The following OCA2 variants were observed in gnomAD, a reference collection of about 807,000 sequenced individuals.
OCA2 encodes OCA2 melanosomal transmembrane protein.
A neutral mutation model predicts 100.2 loss-of-function variants in OCA2; 77 were observed. The observed-to-expected ratio is 0.77, with a 90% CI of 0.64 to 0.93. The LOEUF (loss-of-function observed/expected upper bound fraction) is 0.93, where lower values mean the gene tolerates loss of function less well. Ranked by LOEUF, OCA2 falls within the 40% of genes least tolerant of loss-of-function variation. The pLI is 0.00. For synonymous variants in OCA2, 432 were observed against 439.2 expected (o/e 0.98, Z 0.21); for missense variants, 1,062 against 1,089.1 (o/e 0.98, Z 0.35).
At chr15:28,093,433 G>A (rs1201757693) in intron 1 of OCA2, among the ~76,000 whole-genome samples, 3 of 150,852 alleles carry the variant, frequency 2.0e-5, no homozygotes, top group East Asian at 1.9e-4. Context: ...AAGAAAGAAA[G>A]AAAAAAGAAA....
At chr15:27,883,116 GCAGGTGCTGCTCTCT>G (rs933085377) in intron 19 of OCA2, among the ~76,000 whole-genome samples, 2 of 152,130 alleles carry the variant, frequency 1.3e-5, no homozygotes, top group Admixed American at 1.3e-4. Flanking sequence ...TCCCTGGCCT[GCAGGTGCTGCTCTCT>G]CTGACTCCTC....
chr15:28,002,027 C>G (rs536342328), intron 9 of OCA2, among the ~76,000 whole-genome samples: 2 of 152,176 alleles, frequency 1.3e-5, no homozygotes, highest in Non-Finnish European at 2.9e-5. Flanking sequence ...GTCACTGACA[C>G]GGCAAACACT....
intron 19 of OCA2, among the ~76,000 whole-genome samples, chr15:27,882,381 T>G (rs1484721981): frequency 6.6e-6 from 1 of 152,222 alleles, no homozygotes; most frequent in African/African-American, 2.4e-5. Flanking sequence ...TGTTGTAGTT[T>G]CATTTCTAAC....
At chr15:27,992,392 G>A (rs539202131) in intron 9 of OCA2, among the ~76,000 whole-genome samples, 90 of 152,224 alleles carry the variant, frequency 5.9e-4, no homozygotes, top group Non-Finnish European at 9.9e-4. Flanking sequence ...GAGCCACCGC[G>A]CCCAGCCAGT....
chr15:28,064,580 C>T (rs2043967770), intron 2 of OCA2, among the ~76,000 whole-genome samples: 1 of 152,054 alleles, frequency 6.6e-6, no homozygotes, highest in South Asian at 2.1e-4. Flanking sequence ...TTTTTCATTT[C>T]ATTTATACTT....
intron 2 of OCA2, among the ~76,000 whole-genome samples, chr15:28,077,540 T>G (rs2044471584): frequency 6.6e-6 from 1 of 152,136 alleles, no homozygotes; most frequent in South Asian, 2.1e-4. Context: ...CCAGCAGCGT[T>G]CCAGGGCTGG....
Position 27,972,852 on chromosome 15 carries a change from TATTTTATTTTATTTTATTTTA to T in OCA2, c.1504-6051_1504-6031del, listed in dbSNP as rs1487595639. 1.2e-3 allele frequency among the ~76,000 whole-genome samples: 179 copies of T among 143,410 alleles called. 25 individuals carry two copies. The highest frequency in any genetic ancestry group is 1.1e-3 in the Non-Finnish European group (71 of 65,256). 94.1% of individuals were successfully genotyped at this position (143,410 alleles called of 152,430 possible). A position where few individuals can be genotyped will look rare whatever the true frequency, so the allele number is the denominator to read the frequency against. On this transcript the variant is annotated intron_variant, in intron 14 of 23. Coordinates refer to ENST00000354638, the MANE Select transcript of OCA2 (RefSeq NM_000275.3). ...TATTTTATTTTATTTTATTTTATTT[TATTTTATTTTATTTTATTTTA>T]TTTTATTTTTGTGACAGAGTCTCTC...
chr15:27,911,678 G>A (rs1444041618), intron 19 of OCA2, among the ~76,000 whole-genome samples: 1 of 152,102 alleles, frequency 6.6e-6, no homozygotes, highest in Non-Finnish European at 1.5e-5. Context: ...ATTACCATGA[G>A]GATGGCACCA....
At chr15:27,832,672 T>A (rs544503924) in intron 23 of OCA2, among the ~76,000 whole-genome samples, 1 of 152,300 alleles carries the variant, frequency 6.6e-6, no homozygotes, top group South Asian at 2.1e-4. Flanking sequence ...CTGGTGAGTC[T>A]CCAAGTTCAG....
At chr15:27,975,186 G>A (rs2040927057) in intron 14 of OCA2, among the ~76,000 whole-genome samples, 1 of 152,140 alleles carries the variant, frequency 6.6e-6, no homozygotes, top group Admixed American at 6.5e-5. Flanking sequence ...CAGATTGTGT[G>A]TAAGAAATAC....
chr15:27,913,876 AAAGAAAGAAAGAAAGAAAGC>A (rs1567098009), intron 19 of OCA2, among the ~76,000 whole-genome samples: 19 of 62,490 alleles, frequency 3.0e-4, no homozygotes, highest in African/African-American at 4.9e-4. Flanking sequence ...AGAAAGAAAG[AAAGAAAGAAAGAAAGAAAGC>A]AAGCAAGCAA....
intron 23 of OCA2, among the ~76,000 whole-genome samples, chr15:27,799,150 AGG>A (rs1270511320): frequency 3.3e-5 from 5 of 152,336 alleles, no homozygotes; most frequent in African/African-American, 1.2e-4. Flanking sequence ...CCAGAGGAAC[AGG>A]GGAGACGATC....
intron 23 of OCA2, among the ~76,000 whole-genome samples, chr15:27,844,344 A>G (rs775387634): frequency 1.5e-4 from 23 of 152,194 alleles, no homozygotes; most frequent in Non-Finnish European, 2.8e-4. Context: ...GGACTGTGCA[A>G]TCCAGCACCG....
chr15:28,016,270 T>C, intron 7 of OCA2, 84 bp from the exon 8 acceptor site: 1 of 1,067,642 alleles, frequency 9.4e-7, no homozygotes, highest in Non-Finnish European at 1.5e-6. Context: ...TCTAGGTATT[T>C]GTTTCAAAAA....
intron 19 of OCA2, among the ~76,000 whole-genome samples, chr15:27,881,656 T>C (rs1312803527): frequency 6.6e-6 from 1 of 152,224 alleles, no homozygotes; most frequent in African/African-American, 2.4e-5. Flanking sequence ...TTTATTTGCA[T>C]AGAGATGTTT....
At position 28,043,115 on chromosome 15, in the gene OCA2, C is replaced by G. The variant is rs41303749; in HGVS notation, c.228-10952G>C. On this transcript the variant is annotated intron_variant, in intron 2 of 23. Transcript: ENST00000354638. This position sits in a 1 kb window ranked among gnomAD's most constrained non-coding sequence, Gnocchi z 4.4. ...TGGCAAAAAAGTATAATCATATGCC[C>G]CAAAGCCTGGGGAGGTATTCACTGA... 6.6e-6 allele frequency among the ~76,000 whole-genome samples: 1 copy of G among 152,176 alleles called. No individual in the cohort carries two copies. The highest frequency in any genetic ancestry group is 2.1e-4 in the South Asian group (1 of 4,816).
At chr15:27,968,439 C>T (rs2140847211) in intron 14 of OCA2, among the ~76,000 whole-genome samples, 1 of 152,326 alleles carries the variant, frequency 6.6e-6, no homozygotes, top group East Asian at 1.9e-4. Context: ...GGTGGCAAGT[C>T]ACACAGAACG....
At chr15:27,849,551 A>AT (rs2035670410) in intron 22 of OCA2, among the ~76,000 whole-genome samples, 1 of 151,896 alleles carries the variant, frequency 6.6e-6, no homozygotes, top group Non-Finnish European at 1.5e-5. Context: ...AAAAAAAAAA[A>AT]AAGTTGTTTC....
chr15:27,729,031 G>T, the OCA2 span, among the ~76,000 whole-genome samples: 2 of 152,178 alleles, frequency 1.3e-5, no homozygotes, highest in Non-Finnish European at 2.9e-5. Context: ...TCAACGCTTG[G>T]CTTGGAAATC....
Sources: allele counts gnomAD v4.1 joint callset (sites outside exome capture counted in the v4.1 genomes callset), GRCh38; gene constraint gnomAD v4.1.1; non-coding constraint Gnocchi (gnomAD v3.1); transcripts MANE v1.5; gene names NCBI Gene and HGNC (gene_info 2026-07-23, HGNC 2026-07-21).